SAMMSON: variants seen among roughly 807,000 people sequenced by gnomAD.
The protein encoded by SAMMSON is survival associated mitochondrial melanoma specific oncogenic non-coding RNA, also known as long intergenic non-protein coding RNA 1212.
intron 2 of SAMMSON, among the ~76,000 whole-genome samples, chr3:70,425,743 A>G (rs567661381): frequency 6.6e-6 from 1 of 152,282 alleles, no homozygotes; most frequent in South Asian, 2.1e-4. Flanking sequence ...AATGCCTGGG[A>G]ATAATAATTT....
chr3:70,250,398 C>A (rs1404897768), intron 6 of SAMMSON, among the ~76,000 whole-genome samples: 1 of 144,966 alleles, frequency 6.9e-6, no homozygotes, highest in East Asian at 2.1e-4. Flanking sequence ...CGGTATTTTT[C>A]TTTTAATGAA....
intron 4 of SAMMSON, among the ~76,000 whole-genome samples, chr3:70,233,343 C>T (rs571653811): frequency 5.3e-5 from 8 of 152,236 alleles, no homozygotes; most frequent in Admixed American, 1.3e-4. Context: ...AAGATTTCAG[C>T]GTGGAATAAT....
intron 6 of SAMMSON, among the ~76,000 whole-genome samples, chr3:70,290,867 C>T (rs1702230534): frequency 6.6e-6 from 1 of 152,174 alleles, no homozygotes. Flanking sequence ...AAAGGGAACT[C>T]GCTGACCCCT....
intron 4 of SAMMSON, among the ~76,000 whole-genome samples, chr3:70,119,207 C>T (rs1261769623): frequency 6.6e-6 from 1 of 152,092 alleles, no homozygotes; most frequent in Non-Finnish European, 1.5e-5. Context: ...GCTGGGATTA[C>T]AGGCGCCCGC....
intron 3 of SAMMSON, among the ~76,000 whole-genome samples, chr3:70,053,727 C>G (rs2067155512): frequency 6.6e-6 from 1 of 152,114 alleles, no homozygotes; most frequent in African/African-American, 2.4e-5. Context: ...TACTACATAT[C>G]TGGGGGTCTT....
chr3:70,065,880 A>T (rs1407169068), intron 3 of SAMMSON, among the ~76,000 whole-genome samples: 2 of 152,072 alleles, frequency 1.3e-5, no homozygotes, highest in African/African-American at 2.4e-5. Flanking sequence ...AACAGGTGTC[A>T]CCGCAGGCCC....
intron 6 of SAMMSON, among the ~76,000 whole-genome samples, chr3:70,286,298 C>T (rs370605005): frequency 0.083 from 12,691 of 152,112 alleles, 627 homozygotes; most frequent in African/African-American, 0.14. Flanking sequence ...TTTCCCAGCA[C>T]CGTTTATTAA....
chr3:70,180,001 CGT>C (rs1452142937), intron 4 of SAMMSON, among the ~76,000 whole-genome samples: 4 of 73,094 alleles, frequency 5.5e-5, no homozygotes, highest in African/African-American at 2.3e-4. Context: ...ACCTGTGCTT[CGT>C]ATGTGTGTGT....
intron 7 of SAMMSON, among the ~76,000 whole-genome samples, chr3:70,344,373 G>A (rs894367177): frequency 3.3e-5 from 5 of 152,020 alleles, no homozygotes; most frequent in African/African-American, 1.2e-4. Context: ...AGAGGAGATT[G>A]GCCACTGGAT....
intron 4 of SAMMSON, among the ~76,000 whole-genome samples, chr3:70,232,851 G>GA (rs1403661885): frequency 2.0e-5 from 3 of 151,988 alleles, no homozygotes; most frequent in South Asian, 2.1e-4. Flanking sequence ...CAGAAAGAAG[G>GA]AAAAAAATCT....
chr3:70,033,561 C>T (rs1378696612), intron 3 of SAMMSON, among the ~76,000 whole-genome samples: 2 of 152,096 alleles, frequency 1.3e-5, no homozygotes, highest in African/African-American at 4.8e-5. Flanking sequence ...TGAGACATAG[C>T]TAGAACTTGG....
intron 7 of SAMMSON, among the ~76,000 whole-genome samples, chr3:70,306,897 T>A (rs1702406485): frequency 6.6e-6 from 1 of 152,176 alleles, no homozygotes. Flanking sequence ...TAAATATGTA[T>A]GTATATGCAT....
At chr3:70,231,052 A>G (rs1701555001) in intron 4 of SAMMSON, among the ~76,000 whole-genome samples, 1 of 152,228 alleles carries the variant, frequency 6.6e-6, no homozygotes, top group Non-Finnish European at 1.5e-5. Context: ...TGCATTTGCA[A>G]CAAATGCTTT....
chr3:70,286,156 T>C (rs561858787), intron 6 of SAMMSON, among the ~76,000 whole-genome samples: 5 of 152,350 alleles, frequency 3.3e-5, no homozygotes, highest in Non-Finnish European at 1.5e-5. Context: ...TGAATGGTAA[T>C]GCCTAGGTTT....
At chr3:70,045,870 T>C (rs948147143) in intron 3 of SAMMSON, among the ~76,000 whole-genome samples, 17 of 152,134 alleles carry the variant, frequency 1.1e-4, no homozygotes, top group African/African-American at 4.1e-4. Flanking sequence ...TAACTGTAAA[T>C]GATCTCTTCT....
intron 4 of SAMMSON, among the ~76,000 whole-genome samples, chr3:70,109,338 C>A (rs1422071991): frequency 1.3e-5 from 2 of 152,148 alleles, no homozygotes; most frequent in Non-Finnish European, 2.9e-5. Context: ...TTCTCTCAGT[C>A]ATTTCCCCTA....
intron 4 of SAMMSON, among the ~76,000 whole-genome samples, chr3:70,087,203 T>G (rs1395693497): frequency 3.9e-5 from 6 of 152,308 alleles, no homozygotes; most frequent in African/African-American, 1.4e-4. Flanking sequence ...AAGGATACTT[T>G]CCTTATTTGA....
intron 4 of SAMMSON, among the ~76,000 whole-genome samples, chr3:70,120,868 G>C (rs956350633): frequency 2.0e-5 from 3 of 152,138 alleles, no homozygotes; most frequent in African/African-American, 7.2e-5. Context: ...CTGGAGGTGT[G>C]GGGGGATGGT....
At chr3:70,430,564 A>G (rs901873379) in intron 2 of SAMMSON, among the ~76,000 whole-genome samples, 5 of 152,144 alleles carry the variant, frequency 3.3e-5, no homozygotes, top group African/African-American at 1.2e-4. Flanking sequence ...GAGTATGCAG[A>G]AGACCATATC....
Sources: gnomAD v4.1 joint callset for allele counts (sites outside exome capture counted in the v4.1 genomes callset) on GRCh38, gnomAD v4.1.1 for gene constraint, MANE v1.5 for transcripts, NCBI Gene and HGNC (gene_info 2026-07-23, HGNC 2026-07-21) for gene names.